AKAP6: variants seen among roughly 807,000 people sequenced by gnomAD.
AKAP6 encodes the protein A-kinase anchoring protein 6, also known as A-kinase anchor protein 6.
In AKAP6, 58 loss-of-function variants were observed where a neutral mutation model predicts 188.5. The observed-to-expected ratio is 0.31, with a 90% confidence interval of 0.25 to 0.38. The LOEUF is 0.38. Among genes scored for constraint, AKAP6 ranks in the 10% least tolerant of loss-of-function variants. The pLI is 1.00. For synonymous variants in AKAP6, 989 were observed against 998.6 expected (o/e 0.99, Z 0.18); for missense variants, 2,710 against 2,740.0 (o/e 0.99, Z 0.24).
intron 2 of AKAP6, among the ~76,000 whole-genome samples, chr14:32,490,421 A>T (rs1438480599): frequency 6.6e-6 from 1 of 152,228 alleles, no homozygotes; most frequent in African/African-American, 2.4e-5. Flanking sequence ...TCAAACATGA[A>T]ACAGACCTTA....
rs1046575148 is a variant in AKAP6 at position 32,374,640 on chromosome 14, C to T, written c.-35+45232C>T. 8.5e-5 allele frequency among the ~76,000 whole-genome samples: 13 copies of T among 152,158 alleles called. 1 individual carries two copies. In the South Asian group the frequency reaches 2.7e-3, roughly 32 times the overall value. ...AGCCTTCATAGTTTTACTCCTCCTTCCCCAACATTTTATTATGAACAGTTT... is the reference window on the plus strand; with the variant it reads ...AGCCTTCATAGTTTTACTCCTCCTTTCCCAACATTTTATTATGAACAGTTT... On this transcript the variant is annotated intron_variant, in intron 1 of 13. Transcript: ENST00000280979.
chr14:32,801,813 A>G (rs1439000567), intron 12 of AKAP6, among the ~76,000 whole-genome samples: 1 of 152,104 alleles, frequency 6.6e-6, no homozygotes, highest in Non-Finnish European at 1.5e-5. Flanking sequence ...TAACACTTTA[A>G]ATATTTCACT....
rs574956016 is a variant in AKAP6 at position 32,500,225 on chromosome 14, G to A, written c.325-35329G>A. 1.6e-3 allele frequency among the ~76,000 whole-genome samples: 239 copies of A among 152,268 alleles called. 1 individual carries two copies. Among genetic ancestry groups the A allele is most frequent in the Middle Eastern group, 0.014 (4 of 294 alleles). ...AGGAAATATAAACAGATTATTTTAA[G>A]CAATGATCTTGCTAACAAAATACTT... On this transcript the variant is annotated intron_variant, in intron 2 of 13. Coordinates refer to ENST00000280979, the MANE Select transcript of AKAP6 (RefSeq NM_004274.5).
intron 1 of AKAP6, among the ~76,000 whole-genome samples, chr14:32,360,235 C>A (rs1458858011): frequency 2.6e-5 from 4 of 151,840 alleles, no homozygotes; most frequent in Non-Finnish European, 5.9e-5. Flanking sequence ...TCAAGCAATT[C>A]TCCTGCCTCA....
chr14:32,808,578 G>A (rs893258685), intron 12 of AKAP6, among the ~76,000 whole-genome samples: 10 of 152,294 alleles, frequency 6.6e-5, no homozygotes, highest in South Asian at 4.1e-4. Context: ...TAAGAGATCC[G>A]AAATAATCCA....
chr14:32,705,032 T>G (rs1246786791), intron 9 of AKAP6, among the ~76,000 whole-genome samples: 1 of 152,194 alleles, frequency 6.6e-6, no homozygotes, highest in Non-Finnish European at 1.5e-5. Context: ...AAGGGAAAAG[T>G]TTTCCCATAG....
chr14:32,548,688 A>G (rs761398027), intron 4 of AKAP6, among the ~76,000 whole-genome samples: 16 of 152,102 alleles, frequency 1.1e-4, no homozygotes, highest in Non-Finnish European at 4.4e-5. Flanking sequence ...AACCAGACAG[A>G]CCTTTTGTGT....
intron 1 of AKAP6, among the ~76,000 whole-genome samples, chr14:32,368,635 A>C (rs191509264): frequency 9.1e-4 from 139 of 152,282 alleles, no homozygotes; most frequent in Middle Eastern, 3.4e-3. Context: ...AAAGGAACTG[A>C]ATACAGTACA....
chr14:32,630,377 T>G (rs559518744), intron 7 of AKAP6, among the ~76,000 whole-genome samples: 14 of 152,202 alleles, frequency 9.2e-5, no homozygotes, highest in African/African-American at 3.4e-4. Flanking sequence ...AATTACCACA[T>G]GTTGCTATTG....
At chr14:32,504,166 T>C (rs750666083) in intron 2 of AKAP6, among the ~76,000 whole-genome samples, 1 of 152,130 alleles carries the variant, frequency 6.6e-6, no homozygotes, top group Non-Finnish European at 1.5e-5. Context: ...TATTCTAAGG[T>C]ATTTTATCTT....
chr14:32,644,909 A>G (rs1222722673), intron 7 of AKAP6, among the ~76,000 whole-genome samples: 2 of 152,144 alleles, frequency 1.3e-5, no homozygotes, highest in African/African-American at 2.4e-5. Flanking sequence ...AGCCAGCATG[A>G]TATTTCTGGT....
At chr14:32,639,517 C>T (rs575948840) in intron 7 of AKAP6, among the ~76,000 whole-genome samples, 1 of 152,226 alleles carries the variant, frequency 6.6e-6, no homozygotes, top group East Asian at 1.9e-4. Flanking sequence ...TGAGTATCTT[C>T]TATGTGCTGG....
At chr14:32,674,327 C>G (rs12590549) in intron 7 of AKAP6, among the ~76,000 whole-genome samples, 36,344 of 152,000 alleles carry the variant, frequency 0.24, 4,722 homozygotes, top group East Asian at 0.5. Context: ...TTTATAAAGA[C>G]TACTTTGGCC....
chr14:32,803,521 C>T (rs2034009892), intron 12 of AKAP6, among the ~76,000 whole-genome samples: 1 of 152,146 alleles, frequency 6.6e-6, no homozygotes, highest in Non-Finnish European at 1.5e-5. Context: ...CTACTTAACT[C>T]CCAGAGTCGA....
intron 2 of AKAP6, among the ~76,000 whole-genome samples, chr14:32,443,740 C>T (rs1402631198): frequency 6.6e-6 from 1 of 152,136 alleles, no homozygotes; most frequent in Non-Finnish European, 1.5e-5. Context: ...TTCATAAAGT[C>T]AGTATACGCA....
intron 9 of AKAP6, among the ~76,000 whole-genome samples, chr14:32,720,972 G>C (rs2030502119): frequency 6.6e-6 from 1 of 152,198 alleles, no homozygotes; most frequent in Non-Finnish European, 1.5e-5. Context: ...TTTTACATTG[G>C]AAACCTTTTT....
chr14:32,329,460 C>T (rs1045749917), intron 1 of AKAP6, 52 bp downstream of exon 1: 6 of 152,012 alleles, frequency 3.9e-5, no homozygotes, highest in Non-Finnish European at 8.8e-5. Context: ...GTTGGTTAGT[C>T]GGTGTCTGCT....
chr14:32,804,019 T>C (rs1307733170), intron 12 of AKAP6, among the ~76,000 whole-genome samples: 1 of 152,220 alleles, frequency 6.6e-6, no homozygotes, highest in Non-Finnish European at 1.5e-5. Flanking sequence ...CCATCTACTT[T>C]TGTATAACTG....
intron 11 of AKAP6, among the ~76,000 whole-genome samples, chr14:32,743,284 G>A (rs1414656235): frequency 1.3e-5 from 2 of 152,032 alleles, no homozygotes; most frequent in East Asian, 3.9e-4. Flanking sequence ...TTTCTTGTAG[G>A]CAACGGATCA....
Sources: gnomAD v4.1 joint callset for allele counts (sites outside exome capture counted in the v4.1 genomes callset) on GRCh38, gnomAD v4.1.1 for gene constraint, MANE v1.5 for transcripts, NCBI Gene and HGNC (gene_info 2026-07-23, HGNC 2026-07-21) for gene names.